The following IL1RAPL1 variants were observed in gnomAD, a reference collection of about 807,000 sequenced individuals.
The protein encoded by IL1RAPL1 is interleukin 1 receptor accessory protein like 1.
A neutral mutation model predicts 48.4 loss-of-function variants in IL1RAPL1; 3 were observed. That is an observed-to-expected ratio of 0.06 (90% CI 0.03 to 0.16). The LOEUF is 0.16. Ranked by LOEUF, IL1RAPL1 falls within the 10% of genes least tolerant of loss-of-function variation. The pLI, the probability that IL1RAPL1 is intolerant of heterozygous loss-of-function variation, is 1.00. For missense variants in IL1RAPL1, 349 were observed against 530.6 expected (o/e 0.66, Z 3.36); for synonymous variants, 185 against 187.7 (o/e 0.99, Z 0.12).
rs772206028 is a variant in IL1RAPL1 at position 29,586,683 on chromosome X, ATTTG to A, written c.704-81741_704-81738del. On this transcript the variant is annotated intron_variant, in intron 5 of 10. Transcript: ENST00000378993. ...TTCCAATCCATGAACACGGATATCT[ATTTG>A]TTTGTGCCTTGCTTATTTTTTTTAA... is the stretch of plus-strand genomic sequence containing the variant. Among the ~76,000 whole-genome samples, 218 of 110,976 alleles carry A rather than the reference ATTTG, an allele frequency of 2.0e-3. 1 individual carries two copies. In the Middle Eastern group the frequency reaches 0.024, roughly 12 times the overall value.
intron 5 of IL1RAPL1, among the ~76,000 whole-genome samples, chrX:29,405,201 C>A (rs5928961): frequency 9.3e-6 from 1 of 107,693 alleles, no homozygotes; most frequent in Non-Finnish European, 1.9e-5. Context: ...CGTGAGCTAC[C>A]GCGCCCAGTC....
chrX:29,381,582 A>C (rs1188868447), intron 3 of IL1RAPL1, among the ~76,000 whole-genome samples: 1 of 96,859 alleles, frequency 1.0e-5, no homozygotes, highest in East Asian at 3.5e-4. Flanking sequence ...CAGGACACTG[A>C]GGCAGGAGGA....
intron 3 of IL1RAPL1, among the ~76,000 whole-genome samples, chrX:29,366,873 G>A (rs1472281499): frequency 9.0e-6 from 1 of 110,896 alleles, no homozygotes; most frequent in Non-Finnish European, 1.9e-5. Context: ...GGCCTGATAG[G>A]TCATTTTTTA....
intron 5 of IL1RAPL1, among the ~76,000 whole-genome samples, chrX:29,448,759 T>TGG (rs368536177): frequency 0.011 from 1,183 of 111,704 alleles, 23 homozygotes; most frequent in African/African-American, 0.037. Flanking sequence ...TACCATAGAC[T>TGG]GGGTGACATA....
At chrX:29,680,109 A>C (rs1255712529) in intron 6 of IL1RAPL1, among the ~76,000 whole-genome samples, 2 of 111,769 alleles carry the variant, frequency 1.8e-5, no homozygotes, top group East Asian at 5.6e-4. Flanking sequence ...AACTTGAAGA[A>C]TCACAGGATT....
chrX:29,373,681 G>A, intron 3 of IL1RAPL1, among the ~76,000 whole-genome samples: 1 of 109,738 alleles, frequency 9.1e-6, no homozygotes, highest in Admixed American at 9.8e-5. Flanking sequence ...TCAATGAGGT[G>A]ATCATATGGT....
intron 6 of IL1RAPL1, among the ~76,000 whole-genome samples, chrX:29,680,855 T>C (rs1395261469): frequency 8.9e-6 from 1 of 111,849 alleles, no homozygotes; most frequent in Non-Finnish European, 1.9e-5. Flanking sequence ...TGCATACGTC[T>C]CAACTCTAGA....
chrX:29,597,149 A>ATTTTTTTTTTTTTTTTT (rs35180262), intron 5 of IL1RAPL1, among the ~76,000 whole-genome samples: 17 of 55,940 alleles, frequency 3.0e-4, no homozygotes, highest in African/African-American at 1.1e-3. Flanking sequence ...TTTGTTGAGG[A>ATTTTTTTTTTTTTTTTT]TTTTTTTTTT....
At chrX:29,279,052 GA>G (rs1461932149) in intron 2 of IL1RAPL1, among the ~76,000 whole-genome samples, 1 of 111,907 alleles carries the variant, frequency 8.9e-6, no homozygotes, top group Non-Finnish European at 1.9e-5. Context: ...GTTAACAAAG[GA>G]AAAAAATATA....
At position 29,512,790 on chromosome X, in the gene IL1RAPL1, C is replaced by T. The variant is rs773566362; in HGVS notation, c.703+113482C>T. 3.6e-5 allele frequency among the ~76,000 whole-genome samples: 4 copies of T among 111,733 alleles called. No individual in the cohort carries two copies. In the East Asian group the frequency reaches 8.4e-4, roughly 23 times the overall value. ...ACCTCAGGGATCAGGAAAATAACCA[C>T]ACTTTCACAGTCAGAATGTAGATAA... On this transcript the variant is annotated intron_variant, in intron 5 of 10. Transcript: ENST00000378993.
chrX:29,933,894 A>G (rs889377555), intron 8 of IL1RAPL1, among the ~76,000 whole-genome samples: 1 of 111,063 alleles, frequency 9.0e-6, no homozygotes, highest in Non-Finnish European at 1.9e-5. Flanking sequence ...ATGAGCAGAG[A>G]CTTGAAGAAG....
At chrX:28,619,957 T>C (rs1934266132) in intron 1 of IL1RAPL1, among the ~76,000 whole-genome samples, 1 of 111,467 alleles carries the variant, frequency 9.0e-6, no homozygotes, top group Admixed American at 9.6e-5. Flanking sequence ...TGAAATATTC[T>C]AAGGGGGGCA....
At chrX:28,622,802 A>C (rs939293444) in intron 1 of IL1RAPL1, among the ~76,000 whole-genome samples, 2 of 112,001 alleles carry the variant, frequency 1.8e-5, no homozygotes, top group Non-Finnish European at 3.8e-5. Flanking sequence ...CAAATTTAAG[A>C]ACGCTACTGG....
chrX:29,631,024 A>G (rs1296649258), intron 5 of IL1RAPL1, among the ~76,000 whole-genome samples: 1 of 111,771 alleles, frequency 8.9e-6, no homozygotes, highest in African/African-American at 3.3e-5. Flanking sequence ...TATATTGAAC[A>G]TTTATTCAAT....
chrX:29,440,262 G>A (rs180784919), intron 5 of IL1RAPL1, among the ~76,000 whole-genome samples: 1 of 110,748 alleles, frequency 9.0e-6, no homozygotes, highest in East Asian at 2.8e-4. Flanking sequence ...TTTAAATTCA[G>A]GGCAGGCATG....
chrX:29,474,458 C>G (rs954999658), intron 5 of IL1RAPL1, among the ~76,000 whole-genome samples: 1 of 111,767 alleles, frequency 8.9e-6, no homozygotes, highest in African/African-American at 3.3e-5. Flanking sequence ...GTGTCTGGCA[C>G]GGGGTATGTT....
chrX:28,589,935 G>GA (rs1208226083), intron 1 of IL1RAPL1, among the ~76,000 whole-genome samples: 3 of 111,627 alleles, frequency 2.7e-5, no homozygotes, highest in African/African-American at 9.8e-5. Flanking sequence ...ACAAATCCCA[G>GA]AAAAAAAGAG....
chrX:28,659,186 G>C (rs1422153296), intron 1 of IL1RAPL1: 3 of 720,858 alleles, frequency 4.2e-6, no homozygotes, highest in Non-Finnish European at 6.5e-6. Flanking sequence ...GGCCTCAGTT[G>C]CCTCCTGCAA....
At chrX:29,242,913 T>G (rs1394703778) in intron 2 of IL1RAPL1, among the ~76,000 whole-genome samples, 2 of 112,287 alleles carry the variant, frequency 1.8e-5, no homozygotes, top group African/African-American at 6.5e-5. Context: ...AACAACCTCA[T>G]TTTATTTCAA....
Sources: allele counts gnomAD v4.1 joint callset (sites outside exome capture counted in the v4.1 genomes callset), GRCh38; gene constraint gnomAD v4.1.1; transcripts MANE v1.5; gene names NCBI Gene and HGNC (gene_info 2026-07-23, HGNC 2026-07-21).